SHISA9: variants seen among roughly 807,000 people sequenced by gnomAD.
SHISA9 encodes the protein protein shisa-9.
SHISA9 carries 13 observed loss-of-function variants against 38.0 expected under a neutral mutation model. The observed-to-expected ratio is 0.34, with a 90% CI of 0.22 to 0.54. The LOEUF is 0.54. SHISA9 is among the 20% of genes least tolerant of loss of function. The probability of loss-of-function intolerance (pLI) is 0.91; values close to 1 mark genes in which losing one functional copy is unlikely to be tolerated. For missense variants in SHISA9, 538 were observed against 575.8 expected (o/e 0.93, Z 0.67); for synonymous variants, 275 against 242.0 (o/e 1.14, Z -1.27).
chr16:13,465,416 C>T, the SHISA9 span, among the ~76,000 whole-genome samples: 33 of 152,212 alleles, frequency 2.2e-4, no homozygotes, highest in Admixed American at 8.5e-4. Flanking sequence ...ATTTCGTCCA[C>T]GAGGCTAGGA....
At chr16:13,461,493 C>T in the SHISA9 span, among the ~76,000 whole-genome samples, 61 of 151,550 alleles carry the variant, frequency 4.0e-4, no homozygotes, top group African/African-American at 1.2e-3. Context: ...GCTGGGGAAT[C>T]GCCTGACCCC....
chr16:12,985,229 ATAAATAAATAAG>A (rs924544361), intron 2 of SHISA9, among the ~76,000 whole-genome samples: 4 of 138,984 alleles, frequency 2.9e-5, no homozygotes, highest in African/African-American at 8.4e-5. Flanking sequence ...CGAAAAATAA[ATAAATAAATAAG>A]TAAATAAATA....
the SHISA9 span, among the ~76,000 whole-genome samples, chr16:13,491,487 C>A: frequency 6.6e-6 from 1 of 150,512 alleles, no homozygotes; most frequent in Non-Finnish European, 1.5e-5. Context: ...CATAAGAGGG[C>A]TGGATTTTTT....
the SHISA9 span, among the ~76,000 whole-genome samples, chr16:13,550,212 C>T: frequency 1.3e-5 from 2 of 151,914 alleles, no homozygotes; most frequent in Non-Finnish European, 2.9e-5. Context: ...AGGGATGAGG[C>T]ATTCACATCC....
At chr16:13,356,643 C>A in the SHISA9 span, among the ~76,000 whole-genome samples, 1 of 152,032 alleles carries the variant, frequency 6.6e-6, no homozygotes, top group East Asian at 1.9e-4. Flanking sequence ...AGGGAGGGGT[C>A]AGATGGGTCT....
intron 2 of SHISA9, among the ~76,000 whole-genome samples, chr16:12,992,581 A>G (rs1256588877): frequency 6.6e-6 from 1 of 151,840 alleles, no homozygotes; most frequent in African/African-American, 2.4e-5. Context: ...AAATACCAAA[A>G]TTGCCCCAGG....
At chr16:12,999,050 T>A (rs1244284123) in intron 2 of SHISA9, among the ~76,000 whole-genome samples, 1 of 152,216 alleles carries the variant, frequency 6.6e-6, no homozygotes, top group Non-Finnish European at 1.5e-5. Flanking sequence ...AAAGACACCT[T>A]ATTTGGTATA....
chr16:13,485,818 A>G, the SHISA9 span, among the ~76,000 whole-genome samples: 2 of 152,202 alleles, frequency 1.3e-5, no homozygotes, highest in African/African-American at 4.8e-5. Flanking sequence ...AGCCTCTGGT[A>G]ACCAGCATTC....
the SHISA9 span, among the ~76,000 whole-genome samples, chr16:13,280,627 T>A: frequency 1.3e-5 from 2 of 151,888 alleles, no homozygotes; most frequent in Admixed American, 6.6e-5. Flanking sequence ...TATTTATTTC[T>A]TATTTAATTA....
At chr16:13,433,360 T>C in the SHISA9 span, among the ~76,000 whole-genome samples, 2 of 152,248 alleles carry the variant, frequency 1.3e-5, no homozygotes, top group Admixed American at 6.5e-5. Context: ...AAAAGAGTTA[T>C]TGTGAAAATC....
the SHISA9 span, among the ~76,000 whole-genome samples, chr16:13,251,318 C>T: frequency 2.0e-5 from 3 of 152,286 alleles, no homozygotes; most frequent in Admixed American, 2.0e-4. Context: ...GCTTCACCTG[C>T]TTTTGACTAA....
the SHISA9 span, among the ~76,000 whole-genome samples, chr16:13,407,071 A>G: frequency 1.8e-4 from 8 of 43,254 alleles, no homozygotes; most frequent in African/African-American, 9.2e-4. Flanking sequence ...TCTGTCTCAC[A>G]AAAAAAAAAA....
At chr16:13,024,836 T>C (rs569823562) in intron 2 of SHISA9, among the ~76,000 whole-genome samples, 1 of 152,276 alleles carries the variant, frequency 6.6e-6, no homozygotes, top group Admixed American at 6.5e-5. Context: ...CCTGTGATAC[T>C]TCCTGACGCC....
chr16:13,336,654 A>G, the SHISA9 span, among the ~76,000 whole-genome samples: 317 of 152,346 alleles, frequency 2.1e-3, 1 homozygote, highest in African/African-American at 7.0e-3. Flanking sequence ...ACCAAGAGCC[A>G]TCAATTTAGC....
At chr16:13,374,834 C>A in the SHISA9 span, among the ~76,000 whole-genome samples, 34 of 152,278 alleles carry the variant, frequency 2.2e-4, no homozygotes, top group African/African-American at 7.9e-4. Flanking sequence ...TCTGTTGTTT[C>A]CTGACTTTTT....
chr16:13,097,698 C>G (rs2073841529), intron 2 of SHISA9, among the ~76,000 whole-genome samples: 1 of 152,170 alleles, frequency 6.6e-6, no homozygotes, highest in Admixed American at 6.5e-5. Context: ...GTCACCATGC[C>G]TGGCCTGATC....
At chr16:13,073,970 T>TG (rs1491320539) in intron 2 of SHISA9, among the ~76,000 whole-genome samples, 86 of 99,006 alleles carry the variant, frequency 8.7e-4, no homozygotes, top group South Asian at 2.5e-3. Flanking sequence ...TTTTTTTTTG[T>TG]TTTTTTTTTT....
At chr16:13,369,848 A>G in the SHISA9 span, among the ~76,000 whole-genome samples, 9 of 152,220 alleles carry the variant, frequency 5.9e-5, no homozygotes, top group South Asian at 2.1e-4. Context: ...TATTAGCAAC[A>G]CCCAGGTTGC....
the SHISA9 span, among the ~76,000 whole-genome samples, chr16:13,335,759 G>C: frequency 2.0e-3 from 299 of 152,206 alleles, 4 homozygotes; most frequent in Middle Eastern, 0.02. Flanking sequence ...GACCATTTTG[G>C]GGGGGATCGG....
Sources: gnomAD v4.1 joint callset for allele counts (sites outside exome capture counted in the v4.1 genomes callset) on GRCh38, gnomAD v4.1.1 for gene constraint, MANE v1.5 for transcripts, NCBI Gene and HGNC (gene_info 2026-07-23, HGNC 2026-07-21) for gene names.